Variants in ZFHX3 observed in about 807,000 individuals in gnomAD.
ZFHX3 encodes the protein zinc finger homeobox 3.
A neutral mutation model predicts 279.1 loss-of-function variants in ZFHX3; 42 were observed. That is an observed-to-expected ratio of 0.15 (90% confidence interval 0.12 to 0.19). ZFHX3 has a LOEUF of 0.19. Among genes scored for constraint, ZFHX3 ranks in the 10% least tolerant of loss-of-function variants. The probability of loss-of-function intolerance (pLI) is 1.00; values close to 1 mark genes in which losing one functional copy is unlikely to be tolerated. For synonymous variants in ZFHX3, 2,293 were observed against 1,957.8 expected, an observed-to-expected ratio of 1.17 and a Z score of -4.52; for missense variants, 4,981 against 4,754.0, an observed-to-expected ratio of 1.05 and a Z score of -1.40.
At chr16:72,954,683 G>C (rs182943800) in intron 2 of ZFHX3, among the ~76,000 whole-genome samples, 10 of 152,200 alleles carry the variant, frequency 6.6e-5, no homozygotes, top group African/African-American at 2.2e-4. Flanking sequence ...CTAAACTTCA[G>C]AGTCGAAAGG....
intron 1 of ZFHX3, among the ~76,000 whole-genome samples, chr16:73,713,581 A>G (rs1290525883): frequency 6.6e-6 from 1 of 152,102 alleles, no homozygotes; most frequent in Non-Finnish European, 1.5e-5. Context: ...CCCGCAGCCA[A>G]CGGCAGCCAA....
At chr16:73,682,970 GAAA>G (rs2053038161) in intron 1 of ZFHX3, among the ~76,000 whole-genome samples, 1 of 27,002 alleles carries the variant, frequency 3.7e-5, no homozygotes, top group Non-Finnish European at 7.4e-5. Context: ...AAGAAAGAAA[GAAA>G]GAAAGAAAGA....
chr16:73,673,039 A>G (rs866079858), intron 2 of ZFHX3, among the ~76,000 whole-genome samples: 1 of 152,210 alleles, frequency 6.6e-6, no homozygotes, highest in African/African-American at 2.4e-5. Context: ...TGTCACTCCC[A>G]TCAGTCTACA....
chr16:72,912,755 T>TC (rs1401038977), intron 3 of ZFHX3, among the ~76,000 whole-genome samples: 4 of 152,078 alleles, frequency 2.6e-5, no homozygotes, highest in African/African-American at 9.7e-5. Flanking sequence ...AGACAGAGTC[T>TC]CCCTCTGTCG....
At chr16:72,911,388 A>AGC (rs1343935915) in intron 3 of ZFHX3, among the ~76,000 whole-genome samples, 1 of 152,254 alleles carries the variant, frequency 6.6e-6, no homozygotes, top group Non-Finnish European at 1.5e-5. Flanking sequence ...GCATGAATGA[A>AGC]GCGCTCAGTG....
At chr16:73,220,875 C>T (rs1157617495) in intron 5 of ZFHX3, among the ~76,000 whole-genome samples, 1 of 152,016 alleles carries the variant, frequency 6.6e-6, no homozygotes, top group African/African-American at 2.4e-5. Context: ...GTCCCTGAAC[C>T]CTTTTTGGTG....
chr16:73,461,329 G>T (rs965905610), intron 2 of ZFHX3, among the ~76,000 whole-genome samples: 3 of 152,040 alleles, frequency 2.0e-5, no homozygotes, highest in Non-Finnish European at 4.4e-5. Flanking sequence ...TGGGGTTTCA[G>T]GTATCTTCTC....
chr16:73,295,867 A>G (rs1458993954), intron 4 of ZFHX3, among the ~76,000 whole-genome samples: 10 of 152,224 alleles, frequency 6.6e-5, no homozygotes, highest in Non-Finnish European at 1.3e-4. Context: ...GCTTTACCCA[A>G]CAGGCACCTC....
At chr16:73,266,854 T>TC in intron 4 of ZFHX3, among the ~76,000 whole-genome samples, 1 of 152,270 alleles carries the variant, frequency 6.6e-6, no homozygotes, top group East Asian at 1.9e-4. Flanking sequence ...TTGTGAGGCC[T>TC]CCCTAGCCAT....
chr16:73,722,343 C>T (rs2053481781), intron 1 of ZFHX3, among the ~76,000 whole-genome samples: 1 of 152,202 alleles, frequency 6.6e-6, no homozygotes, highest in South Asian at 2.1e-4. Flanking sequence ...GTGCATTAAA[C>T]AGCTTCCAAC....
intron 3 of ZFHX3, among the ~76,000 whole-genome samples, chr16:73,445,580 G>A (rs538878894): frequency 7.5e-4 from 114 of 152,242 alleles, no homozygotes; most frequent in Non-Finnish European, 1.0e-3. Flanking sequence ...CTACCCAGAC[G>A]CAAGATGCCT....
chr16:73,441,409 A>G (rs988254383), intron 3 of ZFHX3, among the ~76,000 whole-genome samples: 14 of 152,182 alleles, frequency 9.2e-5, no homozygotes, highest in Non-Finnish European at 1.6e-4. Context: ...TGTCTTTGAA[A>G]AACCAGATGC....
chr16:73,082,434 AT>A (rs1004230673), intron 8 of ZFHX3, among the ~76,000 whole-genome samples: 1 of 151,492 alleles, frequency 6.6e-6, no homozygotes, highest in East Asian at 2.0e-4. Flanking sequence ...CGCCCGGCTA[AT>A]TTTTTTTGTA....
At chr16:73,797,316 C>T (rs954015623) in intron 1 of ZFHX3, among the ~76,000 whole-genome samples, 9 of 152,228 alleles carry the variant, frequency 5.9e-5, no homozygotes, top group African/African-American at 1.4e-4. Context: ...GCTAAAATTA[C>T]TCTGAGTTTT....
chr16:73,871,484 T>TAA (rs1249371833), intron 1 of ZFHX3, among the ~76,000 whole-genome samples: 1 of 135,146 alleles, frequency 7.4e-6, no homozygotes, highest in African/African-American at 2.7e-5. Context: ...GGGAGGACAA[T>TAA]AAAAAAAAAA....
At chr16:72,801,220 TAC>T (rs1235866172) in intron 7 of ZFHX3, among the ~76,000 whole-genome samples, 2 of 152,122 alleles carry the variant, frequency 1.3e-5, no homozygotes, top group African/African-American at 4.8e-5. Context: ...GACCAGAAAC[TAC>T]AGTCACCACT....
intron 2 of ZFHX3, among the ~76,000 whole-genome samples, chr16:73,657,914 T>C (rs1185780312): frequency 6.6e-6 from 1 of 152,372 alleles, no homozygotes; most frequent in South Asian, 2.1e-4. Flanking sequence ...TGAAGATTTG[T>C]GTACCAGTTT....
rs545271159 is a variant in ZFHX3, at chr16:72,918,050, G to A, written c.3217-28088C>T. Among the ~76,000 whole-genome samples, 8 of 152,320 alleles carry A rather than the reference G, an allele frequency of 5.3e-5. No homozygotes were observed. The East Asian group carries it at 1.5e-3, about 29-fold the overall frequency. ...GGCCTGGTTTAACTGTCAGTTCCAT[G>A]AGGGCTTGAGATGGCTGCTTAATAA... On this transcript the variant is annotated intron_variant, in intron 3 of 9. Coordinates refer to ENST00000268489, the MANE Select transcript of ZFHX3 (RefSeq NM_006885.4).
chr16:73,138,325 G>T (rs940002592), intron 6 of ZFHX3, among the ~76,000 whole-genome samples: 12 of 152,168 alleles, frequency 7.9e-5, no homozygotes, highest in Middle Eastern at 3.4e-3. Context: ...ATCAACGTTT[G>T]GGCCCTGTAT....
Sources: allele counts gnomAD v4.1 joint callset (sites outside exome capture counted in the v4.1 genomes callset), GRCh38; gene constraint gnomAD v4.1.1; transcripts MANE v1.5; gene names NCBI Gene and HGNC (gene_info 2026-07-23, HGNC 2026-07-21).